SGCD: variants seen among roughly 807,000 people sequenced by gnomAD.
SGCD encodes the protein delta-sarcoglycan.
Under a neutral mutation model 36.6 loss-of-function variants are expected in SGCD, and 18 were observed. The observed-to-expected ratio is 0.49, with a 90% CI of 0.34 to 0.73. The LOEUF (loss-of-function observed/expected upper bound fraction) is 0.73, where lower values mean the gene tolerates loss of function less well. SGCD is among the 30% of genes least tolerant of loss of function. The probability of loss-of-function intolerance (pLI) is 0.01; values close to 1 mark genes in which losing one functional copy is unlikely to be tolerated. For synonymous variants in SGCD, 133 were observed against 130.6 expected (o/e 1.02, Z -0.12); for missense variants, 387 against 346.7 (o/e 1.12, Z -0.92).
chr5:156,576,902 C>A (rs1241255118), intron 4 of SGCD, among the ~76,000 whole-genome samples: 1 of 152,136 alleles, frequency 6.6e-6, no homozygotes, highest in South Asian at 2.1e-4. Flanking sequence ...TTTCGCTGTG[C>A]AGAAGCTCTT....
chr5:156,622,435 AAATAATAATAATAATAATAATAATAAT>A (rs56979795), intron 6 of SGCD, among the ~76,000 whole-genome samples: 1 of 137,086 alleles, frequency 7.3e-6, no homozygotes, highest in African/African-American at 2.7e-5. Flanking sequence ...TCTGTCTAAA[AAATAATAATAATAATAATAATAATAAT>A]AATAATAATA....
At position 156,448,731 on chromosome 5, in the gene SGCD, C is replaced by CTTTTTTTTTTTTTT. The variant is rs1158844774; in HGVS notation, c.193-59855_193-59842dup. On this transcript the variant is annotated intron_variant, in intron 3 of 8. Transcript: ENST00000337851. ...GTGGGAGAAGTTTCTTTTTCTTTTT[C>CTTTTTTTTTTTTTT]TTTTTTTTTTTTTTTTTTTTTTTTT... 5.5e-3 allele frequency among the ~76,000 whole-genome samples: 418 copies of CTTTTTTTTTTTTTT among 76,066 alleles called. 17 individuals are homozygous for CTTTTTTTTTTTTTT. The highest frequency in any genetic ancestry group is 0.011 in the Middle Eastern group (1 of 92). The allele number at this position is 76,066 out of a possible 152,430, so 49.9% of individuals were successfully genotyped here.
At chr5:156,262,845 G>T (rs1038915992) in intron 3 of SGCD, among the ~76,000 whole-genome samples, 1 of 151,764 alleles carries the variant, frequency 6.6e-6, no homozygotes, top group African/African-American at 2.4e-5. Flanking sequence ...TTCCATTCAG[G>T]TTGCTGTGAA....
At chr5:155,753,620 A>G in the SGCD span, among the ~76,000 whole-genome samples, 1 of 152,284 alleles carries the variant, frequency 6.6e-6, no homozygotes, top group African/African-American at 2.4e-5. Flanking sequence ...TATTCTGACC[A>G]GGAGTGGGGA....
chr5:156,720,773 T>C (rs988686060), intron 7 of SGCD, among the ~76,000 whole-genome samples: 1 of 152,232 alleles, frequency 6.6e-6, no homozygotes, highest in African/African-American at 2.4e-5. Flanking sequence ...TAAAGTTTGC[T>C]TTCTAAGGAT....
chr5:156,473,353 G>A (rs1755050676), intron 3 of SGCD, among the ~76,000 whole-genome samples: 1 of 152,206 alleles, frequency 6.6e-6, no homozygotes. Context: ...AATTAAAAAT[G>A]CATTCAATAC....
At chr5:155,729,958 A>G in the SGCD span, among the ~76,000 whole-genome samples, 279 of 152,250 alleles carry the variant, frequency 1.8e-3, 1 homozygote, top group South Asian at 6.2e-3. Flanking sequence ...CTGGGCGGCG[A>G]GCCAAAACTC....
chr5:155,859,403 T>G, the SGCD span, among the ~76,000 whole-genome samples: 4 of 152,144 alleles, frequency 2.6e-5, no homozygotes, highest in Non-Finnish European at 4.4e-5. Context: ...TTACACACAT[T>G]AAAATTGACC....
intron 1 of SGCD, among the ~76,000 whole-genome samples, chr5:156,090,351 G>A (rs137914328): frequency 0.025 from 3,865 of 152,254 alleles, 164 homozygotes; most frequent in African/African-American, 0.088. Context: ...AAGAGAAAGA[G>A]TACAAAGAGA....
At chr5:155,834,317 G>A in the SGCD span, among the ~76,000 whole-genome samples, 4 of 152,088 alleles carry the variant, frequency 2.6e-5, no homozygotes, top group African/African-American at 7.2e-5. Context: ...TTCTGAGAAC[G>A]GTACTGCATG....
At chr5:155,824,494 T>A in the SGCD span, among the ~76,000 whole-genome samples, 1 of 152,206 alleles carries the variant, frequency 6.6e-6, no homozygotes, top group Non-Finnish European at 1.5e-5. Flanking sequence ...ATTAAATAAT[T>A]GGGAAAATAA....
intron 3 of SGCD, among the ~76,000 whole-genome samples, chr5:156,202,610 T>C (rs1764176332): frequency 6.6e-6 from 1 of 152,120 alleles, no homozygotes; most frequent in Admixed American, 6.6e-5. Context: ...AGTTATTGGT[T>C]CCAAATAAGG....
At chr5:156,346,683 T>C (rs976080526) in intron 3 of SGCD, among the ~76,000 whole-genome samples, 2 of 152,206 alleles carry the variant, frequency 1.3e-5, no homozygotes, top group South Asian at 4.1e-4. Flanking sequence ...TTCCATGGGG[T>C]TGTAGGCATC....
chr5:156,657,869 C>A (rs1278880311), intron 7 of SGCD, among the ~76,000 whole-genome samples: 2 of 122,262 alleles, frequency 1.6e-5, no homozygotes, highest in East Asian at 4.8e-4. Flanking sequence ...TCTGAGTTCC[C>A]TTAGTATTTA....
intron 1 of SGCD, among the ~76,000 whole-genome samples, chr5:156,072,347 A>G (rs1288197238): frequency 1.3e-5 from 2 of 151,934 alleles, no homozygotes; most frequent in African/African-American, 4.8e-5. Flanking sequence ...ATCTCTCAGC[A>G]TTTGCTTGTC....
chr5:156,595,943 A>G (rs1760911711), intron 6 of SGCD, among the ~76,000 whole-genome samples: 1 of 152,206 alleles, frequency 6.6e-6, no homozygotes, highest in East Asian at 1.9e-4. Flanking sequence ...ATGATCTAGC[A>G]TGGTGATTTA....
At chr5:156,005,209 G>A (rs924402531) in intron 1 of SGCD, among the ~76,000 whole-genome samples, 1 of 152,124 alleles carries the variant, frequency 6.6e-6, no homozygotes, top group Non-Finnish European at 1.5e-5. Context: ...AGTTGAGAAG[G>A]ATCCCGATAC....
intron 3 of SGCD, among the ~76,000 whole-genome samples, chr5:156,467,045 A>T (rs1754750889): frequency 6.6e-6 from 1 of 152,146 alleles, no homozygotes; most frequent in Non-Finnish European, 1.5e-5. Flanking sequence ...TTTGCAGGCC[A>T]GATGGTCTCT....
chr5:155,976,977 C>T (rs546684451), intron 1 of SGCD, among the ~76,000 whole-genome samples: 83 of 152,274 alleles, frequency 5.5e-4, no homozygotes, highest in Admixed American at 1.0e-3. Context: ...CCTTACTTCC[C>T]TCCCCTGGGC....
Sources: allele counts gnomAD v4.1 joint callset (sites outside exome capture counted in the v4.1 genomes callset), GRCh38; gene constraint gnomAD v4.1.1; transcripts MANE v1.5; gene names NCBI Gene and HGNC (gene_info 2026-07-23, HGNC 2026-07-21).